The following MMAB variants were observed in gnomAD, a reference collection of about 807,000 sequenced individuals.
The protein encoded by MMAB is metabolism of cobalamin associated B, also known as corrinoid adenosyltransferase MMAB.
Under a neutral mutation model 30.6 loss-of-function variants are expected in MMAB, and 17 were observed. The observed-to-expected ratio is 0.56, with a 90% confidence interval of 0.38 to 0.83. MMAB has a LOEUF of 0.83. Among genes scored for constraint, MMAB ranks in the 40% least tolerant of loss-of-function variants. The pLI is 0.00. For missense variants in MMAB, 311 were observed against 331.6 expected (o/e 0.94, Z 0.48); for synonymous variants, 134 against 138.6 (o/e 0.97, Z 0.23).
At chr12:109,570,749 C>G (rs1361274250) in intron 2 of MMAB, among the ~76,000 whole-genome samples, 1 of 151,782 alleles carries the variant, frequency 6.6e-6, no homozygotes, top group Non-Finnish European at 1.5e-5. Flanking sequence ...CGATGTGTGC[C>G]TGTTGTCCCA....
chr12:109,565,214 A>G (rs780167391), intron 3 of MMAB, 38 bp from the exon 4 acceptor site: 1 of 1,516,280 alleles, frequency 6.6e-7, no homozygotes, highest in East Asian at 2.3e-5. Flanking sequence ...CCTGTAATGT[A>G]ATGTCCCTAG....
chr12:109,556,012 T>C lies in MMAB; in HGVS notation c.*1016A>G, dbSNP rs1223982561. The C allele has an allele frequency of 2.2e-6, 1 of 454,082 alleles. No individual in the cohort carries two copies. The highest frequency in any genetic ancestry group is 2.3e-5 in the Admixed American group (1 of 42,570). 28.1% of individuals were successfully genotyped at this position (454,082 alleles called of 1,614,324 possible). On this transcript the variant is annotated 3_prime_UTR_variant, in exon 9 of 9. Transcript: ENST00000545712. ...ACAAGAGCCTGCCCTTCCAAAGTCA[T>C]TTCCTGCAATTAGCAGCCTGCAGTC...
At position 109,573,426 on chromosome 12, in the gene MMAB, GCA is replaced by G; in HGVS notation, c.53_54del (p.Leu18ProfsTer51). 1.2e-5 allele frequency: 19 copies of G among 1,607,470 alleles called. No homozygotes were observed. The highest frequency in any genetic ancestry group is 1.6e-5 in the Non-Finnish European group (19 of 1,177,986). On this transcript the variant is annotated frameshift_variant, in exon 1 of 9. Coordinates refer to ENST00000545712, the MANE Select transcript of MMAB (RefSeq NM_052845.4). LOFTEE classifies it high-confidence loss of function. Reference protein sequence around the residue: ...SRLGLGSRLGLRGCFGAARLL... With the variant: ...SRLGLGSRLGXRGCFGAARLL... ...AGCCTGGCGGCGCCGAAGCACCCGCGCAGGCCAAGACGGCTCCCCAGGCCAAG... is the reference window on the plus strand; with the variant it reads ...AGCCTGGCGGCGCCGAAGCACCCGCGGGCCAAGACGGCTCCCCAGGCCAAG...
chr12:109,571,302 G>A (rs1393327201), intron 2 of MMAB, among the ~76,000 whole-genome samples: 2 of 151,430 alleles, frequency 1.3e-5, no homozygotes, highest in Admixed American at 6.6e-5. Flanking sequence ...AGGCTGGAGT[G>A]CAGTGGCATG....
At position 109,561,586 on chromosome 12, in the gene MMAB, C is replaced by T; in HGVS notation, c.422-69G>A. The stretch of plus-strand genomic sequence containing the variant: ...CCACCAGACCATGGCGGGAACCACC[C>T]CCGCCGCCCTTCCACCTGGGTGTCC... On this transcript the variant is annotated intron_variant, in intron 5 of 8. Coordinates refer to ENST00000545712, the MANE Select transcript of MMAB (RefSeq NM_052845.4). This position sits in a 1 kb window ranked among gnomAD's most constrained non-coding sequence, Gnocchi z 5.3. 3 of 1,397,272 alleles carry T rather than the reference C, an allele frequency of 2.1e-6. No individual in the cohort carries two copies. Among genetic ancestry groups the T allele is most frequent in the Non-Finnish European group, 2.0e-6 (2 of 1,016,666 alleles). The allele number at this position is 1,397,272 out of a possible 1,614,324, so 86.6% of individuals were successfully genotyped here.
intron 2 of MMAB, 115 bp downstream of exon 2, chr12:109,571,534 G>T: frequency 1.0e-6 from 1 of 956,714 alleles, no homozygotes; most frequent in Non-Finnish European, 1.6e-6. Context: ...TTACAGGCAT[G>T]AGCCACCGCG....
intron 2 of MMAB, among the ~76,000 whole-genome samples, chr12:109,570,269 A>C (rs2136209693): frequency 6.6e-6 from 1 of 152,076 alleles, no homozygotes; most frequent in East Asian, 1.9e-4. Flanking sequence ...AAAACAAAAA[A>C]AGATACCCAG....
Position 109,556,171 on chromosome 12 carries a change from C to A in MMAB, c.*857G>T, listed in dbSNP as rs877710. ...ACTGAAATAAATACAGCCGTGGCAC[C>A]GATCTCAGAGGCATAAGCCAGCCAA... On this transcript the variant is annotated 3_prime_UTR_variant, in exon 9 of 9. Coordinates refer to ENST00000545712, the MANE Select transcript of MMAB (RefSeq NM_052845.4). The A allele has an allele frequency of 8.8e-6, 4 of 453,086 alleles. No homozygotes were observed. The highest frequency in any genetic ancestry group is 8.8e-6 in the Non-Finnish European group (2 of 226,196). The allele number at this position is 453,086 out of a possible 1,614,324, so 28.1% of individuals were successfully genotyped here. A position where few individuals can be genotyped will look rare whatever the true frequency, so the allele number is the denominator to read the frequency against.
chr12:109,571,578 A>G lies in MMAB; in HGVS notation c.196+71T>C, dbSNP rs568679045. ...ATTATACTTTAAAGTGGCTGCAAAG[A>G]ATTTGGAAGAACTTTAAAATGGTGT... On this transcript the variant is annotated intron_variant, in intron 2 of 8. Transcript: ENST00000545712. 15 of 1,441,102 alleles carry G rather than the reference A, an allele frequency of 1.0e-5. No individual in the cohort carries two copies. In the African/African-American group the frequency reaches 1.7e-4, roughly 16 times the overall value. 89.3% of individuals were successfully genotyped at this position (1,441,102 alleles called of 1,614,324 possible). A position where few individuals can be genotyped will look rare whatever the true frequency, so the allele number is the denominator to read the frequency against.
Position 109,567,580 on chromosome 12 carries a change from C to T in MMAB, c.290+1190G>A, listed in dbSNP as rs182993257. 1.6e-3 allele frequency among the ~76,000 whole-genome samples: 240 copies of T among 150,692 alleles called. 2 individuals carry two copies. The highest frequency in any genetic ancestry group is 1.7e-3 in the East Asian group (8 of 4,848). On this transcript the variant is annotated intron_variant, in intron 3 of 8. Coordinates refer to ENST00000545712, the MANE Select transcript of MMAB (RefSeq NM_052845.4). ...ACCCCGCTGATGTCAGGCATGTGCA[C>T]GTGACAGGCTCTGGCCGCTGAAATG...
At chr12:109,560,259 T>C (rs150211356) in intron 7 of MMAB, among the ~76,000 whole-genome samples, 1 of 152,304 alleles carries the variant, frequency 6.6e-6, no homozygotes, top group Non-Finnish European at 1.5e-5. Flanking sequence ...GACTCCAATC[T>C]GGATTCTGCT....
chr12:109,554,327 C>G lies in MMAB; in HGVS notation c.*2701G>C, dbSNP rs2241201. 0.28 allele frequency: 127,560 copies of G among 453,820 alleles called. 19,874 individuals carry two copies. The highest frequency in any genetic ancestry group is 0.5 in the African/African-American group (25,070 of 49,982). The allele number at this position is 453,820 out of a possible 1,614,324, so 28.1% of individuals were successfully genotyped here. A position where few individuals can be genotyped will look rare whatever the true frequency, so the allele number is the denominator to read the frequency against. On this transcript the variant is annotated 3_prime_UTR_variant, in exon 9 of 9. Transcript: ENST00000545712. ...TGTGACTGTGGGCTTCTCTCTGACA[C>G]AAGAGCCAACTGCCAGCTTGTCTCT...
chr12:109,563,790 C>T (rs1334167051), intron 4 of MMAB, among the ~76,000 whole-genome samples: 5 of 152,244 alleles, frequency 3.3e-5, no homozygotes, highest in East Asian at 1.9e-4. Context: ...TACTACCCTC[C>T]GTCTGTTCCC....
rs1338664055 is a variant in MMAB, at chr12:109,554,909, G to C, written c.*2119C>G. ...GTGGTGGCATCTGCCCTGCACCCAG[G>C]TGGTTTCTCAGAGAAGTGTTTGCTG... On this transcript the variant is annotated 3_prime_UTR_variant, in exon 9 of 9. Transcript: ENST00000545712. The C allele has an allele frequency of 2.2e-6, 1 of 454,118 alleles. No homozygotes were observed. Among genetic ancestry groups the C allele is most frequent in the Non-Finnish European group, 4.4e-6 (1 of 226,788 alleles). The allele number at this position is 454,118 out of a possible 1,614,324, so 28.1% of individuals were successfully genotyped here. A position where few individuals can be genotyped will look rare whatever the true frequency, so the allele number is the denominator to read the frequency against.
chr12:109,563,059 G>A (rs538623088), intron 4 of MMAB, among the ~76,000 whole-genome samples: 1 of 152,374 alleles, frequency 6.6e-6, no homozygotes, highest in South Asian at 2.1e-4. Flanking sequence ...TGTGAGAGCA[G>A]AGGCTGCCCA....
rs1271583198 is a variant in MMAB at position 109,556,227 on chromosome 12, T to C, written c.*801A>G. On this transcript the variant is annotated 3_prime_UTR_variant, in exon 9 of 9. Coordinates refer to ENST00000545712, the MANE Select transcript of MMAB (RefSeq NM_052845.4). ...ACATCGGAGAAATCAGTCTGGTGGA[T>C]GTCAGCCTTGCTGGAAACTGACAAC... The C allele has an allele frequency of 4.4e-6, 2 of 454,004 alleles. No individual in the cohort carries two copies. The highest frequency in any genetic ancestry group is 1.6e-5 in the South Asian group (1 of 64,480). The allele number at this position is 454,004 out of a possible 1,614,324, so 28.1% of individuals were successfully genotyped here.
intron 3 of MMAB, 45 bp downstream of exon 3, chr12:109,568,725 T>C: frequency 7.1e-7 from 1 of 1,401,552 alleles, no homozygotes; most frequent in Non-Finnish European, 1.0e-6. Context: ...CGTTTACTCA[T>C]ACTCGACTCA....
In MMAB at chr12:109,555,876, C is replaced by A; in HGVS notation, c.*1152G>T. ...GCTGACTTGCCAGCAAGAAAGATGG[C>A]CGGAAAGACCAGCTGTCCCGAGCCT... On this transcript the variant is annotated 3_prime_UTR_variant, in exon 9 of 9. Transcript: ENST00000545712. 2.2e-6 allele frequency: 1 copy of A among 454,112 alleles called. No homozygotes were observed. 28.1% of individuals were successfully genotyped at this position (454,112 alleles called of 1,614,324 possible). A position where few individuals can be genotyped will look rare whatever the true frequency, so the allele number is the denominator to read the frequency against.
At chr12:109,572,411 A>ATT (rs34992643) in intron 1 of MMAB, among the ~76,000 whole-genome samples, 5,808 of 118,916 alleles carry the variant, frequency 0.049, 236 homozygotes, top group Middle Eastern at 0.067. Context: ...CACCCAGCTA[A>ATT]TTTTTTTTTT....
Sources: allele counts gnomAD v4.1 joint callset (sites outside exome capture counted in the v4.1 genomes callset), GRCh38; gene constraint gnomAD v4.1.1; non-coding constraint Gnocchi (gnomAD v3.1); transcripts MANE v1.5; gene names NCBI Gene and HGNC (gene_info 2026-07-23, HGNC 2026-07-21).